The following LRP1B variants were observed in gnomAD, a reference collection of about 807,000 sequenced individuals.
LRP1B encodes the protein low-density lipoprotein receptor-related protein 1B.
Under a neutral mutation model 556.6 loss-of-function variants are expected in LRP1B, and 217 were observed. The ratio of observed to expected loss-of-function variants is 0.39; its 90% CI spans 0.35 to 0.44. The LOEUF (loss-of-function observed/expected upper bound fraction) is 0.44. Ranked by LOEUF, LRP1B falls within the 20% of genes least tolerant of loss-of-function variation. The pLI, the probability that LRP1B is intolerant of heterozygous loss-of-function variation, is 1.00. For synonymous variants in LRP1B, 2,047 were observed against 1,865.8 expected (o/e 1.10, Z -2.50); for missense variants, 5,053 against 5,620.8 (o/e 0.90, Z 3.23).
At chr2:141,534,589 C>A (rs1038079682) in intron 2 of LRP1B, among the ~76,000 whole-genome samples, 5 of 152,110 alleles carry the variant, frequency 3.3e-5, no homozygotes, top group African/African-American at 1.2e-4. Context: ...CAGCTCAACA[C>A]ACACAGAACA....
intron 5 of LRP1B, among the ~76,000 whole-genome samples, chr2:141,232,761 T>C (rs1294678644): frequency 6.6e-6 from 1 of 152,188 alleles, no homozygotes; most frequent in African/African-American, 2.4e-5. Context: ...GGAGGAAGGA[T>C]ACCTACATAA....
chr2:140,457,329 T>C (rs1687144580), intron 61 of LRP1B, 134 bp downstream of exon 61: 1 of 711,212 alleles, frequency 1.4e-6, no homozygotes, highest in South Asian at 1.9e-5. Context: ...AATTCTTCCA[T>C]AAAGTGATGC....
At chr2:142,089,080 C>T (rs12470890) in intron 1 of LRP1B, among the ~76,000 whole-genome samples, 101,342 of 151,404 alleles carry the variant, frequency 0.67, 34,096 homozygotes, top group East Asian at 0.71. Context: ...TTCCAGACAC[C>T]CTTCTAGGCA....
intron 24 of LRP1B, among the ~76,000 whole-genome samples, chr2:140,884,686 A>G (rs1161441244): frequency 6.6e-6 from 1 of 152,082 alleles, no homozygotes; most frequent in Non-Finnish European, 1.5e-5. Context: ...CCACTATTGA[A>G]TTTCTTTCAC....
intron 31 of LRP1B, among the ~76,000 whole-genome samples, chr2:140,823,199 T>C (rs1331552348): frequency 1.3e-5 from 2 of 152,064 alleles, no homozygotes; most frequent in Non-Finnish European, 2.9e-5. Context: ...CCAGGCAGAA[T>C]ATAGTGTTTT....
intron 6 of LRP1B, among the ~76,000 whole-genome samples, chr2:141,205,661 G>A (rs1310841792): frequency 7.1e-6 from 1 of 140,186 alleles, no homozygotes; most frequent in East Asian, 2.1e-4. Flanking sequence ...TTACTCAATT[G>A]TATATTCTTC....
At chr2:140,563,893 A>G (rs1347218998) in intron 43 of LRP1B, among the ~76,000 whole-genome samples, 2 of 152,300 alleles carry the variant, frequency 1.3e-5, no homozygotes, top group East Asian at 3.9e-4. Flanking sequence ...GTAGATGGAC[A>G]GAAGCCTAAG....
chr2:141,539,077 C>A (rs1377701363), intron 2 of LRP1B, among the ~76,000 whole-genome samples: 4 of 152,102 alleles, frequency 2.6e-5, no homozygotes, highest in African/African-American at 9.7e-5. Context: ...TATAAACCTG[C>A]AAAAATTTCA....
At chr2:140,353,374 T>C (rs2105123163) in intron 75 of LRP1B, among the ~76,000 whole-genome samples, 1 of 152,214 alleles carries the variant, frequency 6.6e-6, no homozygotes, top group East Asian at 1.9e-4. Flanking sequence ...TTATTTATTT[T>C]TTTACCTTTT....
intron 41 of LRP1B, among the ~76,000 whole-genome samples, chr2:140,667,301 C>T (rs1472114954): frequency 6.6e-6 from 1 of 152,144 alleles, no homozygotes; most frequent in Non-Finnish European, 1.5e-5. Context: ...CTATGATAAC[C>T]TTTGCCTTGA....
chr2:140,722,699 GT>G (rs1475159620), intron 35 of LRP1B, among the ~76,000 whole-genome samples: 2 of 152,172 alleles, frequency 1.3e-5, no homozygotes, highest in Non-Finnish European at 2.9e-5. Flanking sequence ...TTAATAATAA[GT>G]TGTTTATTAG....
intron 3 of LRP1B, among the ~76,000 whole-genome samples, chr2:141,386,253 A>G (rs1689831822): frequency 6.6e-6 from 1 of 152,144 alleles, no homozygotes; most frequent in Non-Finnish European, 1.5e-5. Flanking sequence ...ATCCCCCCCA[A>G]AAATCCAAAA....
intron 3 of LRP1B, among the ~76,000 whole-genome samples, chr2:141,456,283 T>A (rs929301393): frequency 6.6e-6 from 1 of 152,244 alleles, no homozygotes; most frequent in Non-Finnish European, 1.5e-5. Flanking sequence ...TATTTACTTT[T>A]AAGTTTTTCC....
chr2:141,791,380 C>T (rs750410518), intron 2 of LRP1B, among the ~76,000 whole-genome samples: 3 of 151,470 alleles, frequency 2.0e-5, no homozygotes, highest in Admixed American at 6.6e-5. Flanking sequence ...GAGCTATATA[C>T]ACACACACAC....
chr2:140,445,310 T>G (rs1686607310), intron 63 of LRP1B, among the ~76,000 whole-genome samples: 1 of 151,852 alleles, frequency 6.6e-6, no homozygotes, highest in Non-Finnish European at 1.5e-5. Context: ...AGAGATAGGG[T>G]TTCACCATGT....
At chr2:140,851,887 C>T (rs2105122701) in intron 27 of LRP1B, 104 bp from the exon 28 acceptor site, 2 of 1,027,506 alleles carry the variant, frequency 1.9e-6, no homozygotes, top group Non-Finnish European at 2.8e-6. Context: ...AGTAAAGTTT[C>T]CTACATAGAA....
intron 41 of LRP1B, among the ~76,000 whole-genome samples, chr2:140,674,344 A>G (rs1685594635): frequency 6.6e-6 from 1 of 152,208 alleles, no homozygotes; most frequent in South Asian, 2.1e-4. Flanking sequence ...AAAGACATTT[A>G]CTGAGAGTCA....
chr2:142,076,393 G>A (rs1705502710), intron 1 of LRP1B, among the ~76,000 whole-genome samples: 1 of 152,076 alleles, frequency 6.6e-6, no homozygotes, highest in Admixed American at 6.6e-5. Flanking sequence ...TATGCCTGTA[G>A]AAACATCCAT....
chr2:140,641,054 C>A (rs932181765), intron 41 of LRP1B, among the ~76,000 whole-genome samples: 7 of 152,158 alleles, frequency 4.6e-5, no homozygotes, highest in African/African-American at 1.7e-4. Flanking sequence ...TTGAAACATT[C>A]AGGAGTCTTC....
Sources: gnomAD v4.1 joint callset for allele counts (sites outside exome capture counted in the v4.1 genomes callset) on GRCh38, gnomAD v4.1.1 for gene constraint, MANE v1.5 for transcripts, NCBI Gene and HGNC (gene_info 2026-07-23, HGNC 2026-07-21) for gene names.